WLS: variants seen among roughly 807,000 people sequenced by gnomAD.
The protein encoded by WLS is protein wntless homolog.
WLS carries 23 observed loss-of-function variants against 62.8 expected under a neutral mutation model. The ratio of observed to expected loss-of-function variants is 0.37; its 90% CI spans 0.26 to 0.52. The LOEUF is 0.52. Ranked by LOEUF, WLS falls within the 20% of genes least tolerant of loss-of-function variation. The probability of loss-of-function intolerance (pLI) is 0.92; values close to 1 mark genes in which losing one functional copy is unlikely to be tolerated. For synonymous variants in WLS, 246 were observed against 244.1 expected (o/e 1.01, Z -0.07); for missense variants, 615 against 697.3 (o/e 0.88, Z 1.33).
chr1:68,140,132 G>A (rs1046864997), intron 10 of WLS, among the ~76,000 whole-genome samples: 3 of 152,146 alleles, frequency 2.0e-5, no homozygotes, highest in Non-Finnish European at 2.9e-5. Context: ...TATTAATGAC[G>A]CTGTGAGGTA....
chr1:68,190,157 C>T (rs1023135858), intron 2 of WLS, among the ~76,000 whole-genome samples: 1 of 152,176 alleles, frequency 6.6e-6, no homozygotes, highest in African/African-American at 2.4e-5. Flanking sequence ...GTAACTTCCC[C>T]AATACTGCAG....
chr1:68,228,717 G>T lies in WLS; in HGVS notation c.106+3477C>A, dbSNP rs1432076969. On this transcript the variant is annotated intron_variant, in intron 1 of 11. Coordinates refer to ENST00000262348, the MANE Select transcript of WLS (RefSeq NM_024911.7). ...ATGTATGGTTTCATAGTGGCTCAAAGTTTTTAAAAAAGCATTATATAAATC... is the reference window on the plus strand; with the variant it reads ...ATGTATGGTTTCATAGTGGCTCAAATTTTTTAAAAAAGCATTATATAAATC... 4.6e-5 allele frequency among the ~76,000 whole-genome samples: 7 copies of T among 151,210 alleles called. 1 individual carries two copies. Among genetic ancestry groups the T allele is most frequent in the African/African-American group, 1.7e-4 (7 of 41,236 alleles).
intron 1 of WLS, chr1:68,231,856 GC>G: frequency 5.4e-6 from 1 of 183,920 alleles, no homozygotes; most frequent in Non-Finnish European, 9.9e-6. Flanking sequence ...GCGGGAAAAA[GC>G]GGGGGGGGGG....
At chr1:68,130,949 A>AGTGGAGC (rs1646510864) in intron 11 of WLS, among the ~76,000 whole-genome samples, 2 of 123,854 alleles carry the variant, frequency 1.6e-5, no homozygotes, top group Non-Finnish European at 1.6e-5. Context: ...GCTGGAGTGG[A>AGTGGAGC]GTGGAGCGAT....
At chr1:68,183,684 C>A in intron 2 of WLS, 1 of 294,974 alleles carries the variant, frequency 3.4e-6, no homozygotes, top group Non-Finnish European at 7.2e-6. Context: ...TCCCTTTATT[C>A]CAGTTGTCTT....
chr1:68,138,093 G>A (rs1207024791), intron 10 of WLS, 160 bp from the exon 11 acceptor site: 3 of 865,468 alleles, frequency 3.5e-6, no homozygotes, highest in East Asian at 2.7e-5. Flanking sequence ...AATCATTTCG[G>A]TGTAAATTAA....
At chr1:68,193,877 A>G in intron 2 of WLS, 78 bp downstream of exon 2, 1 of 1,527,400 alleles carries the variant, frequency 6.5e-7, no homozygotes, top group South Asian at 1.3e-5. Flanking sequence ...TTTTACTTTT[A>G]TTAGAATTGG....
intron 11 of WLS, among the ~76,000 whole-genome samples, chr1:68,107,851 G>A (rs1440142967): frequency 6.6e-6 from 1 of 152,126 alleles, no homozygotes; most frequent in East Asian, 1.9e-4. Flanking sequence ...ATTCAGACCC[G>A]GGTCTGCGGG....
Position 68,194,356 on chromosome 1 carries a change from A to G in WLS, c.107-129T>C, listed in dbSNP as rs1648544065. 4.1e-6 allele frequency: 5 copies of G among 1,217,678 alleles called. No homozygotes were observed. In the South Asian group the frequency reaches 8.0e-5, roughly 19 times the overall value. The allele number at this position is 1,217,678 out of a possible 1,614,324, so 75.4% of individuals were successfully genotyped here. On this transcript the variant is annotated intron_variant, in intron 1 of 11. Coordinates refer to ENST00000262348, the MANE Select transcript of WLS (RefSeq NM_024911.7). Reference sequence around the variant, plus strand: ...CCTTCTACAAGTGGGGCTCAGCAATACTTAGGGATCTTCCAAATCTGGGTG... The same window carrying G: ...CCTTCTACAAGTGGGGCTCAGCAATGCTTAGGGATCTTCCAAATCTGGGTG...
At chr1:68,162,430 AG>A in intron 2 of WLS, 2 of 1,613,842 alleles carry the variant, frequency 1.2e-6, no homozygotes, top group African/African-American at 2.7e-5. Context: ...CTGCACGCCC[AG>A]GGATCGCTCG....
intron 1 of WLS, among the ~76,000 whole-genome samples, chr1:68,221,833 A>G (rs1649953944): frequency 6.6e-6 from 1 of 152,242 alleles, no homozygotes; most frequent in African/African-American, 2.4e-5. Context: ...GGAAGAATTT[A>G]CAGTATAATA....
At position 68,158,531 on chromosome 1, in the gene WLS, C is replaced by T. The variant is rs112659777; in HGVS notation, c.504+592G>A. On this transcript the variant is annotated intron_variant, in intron 3 of 11. Coordinates refer to ENST00000262348, the MANE Select transcript of WLS (RefSeq NM_024911.7). Reference sequence around the variant, plus strand: ...ATCTTTTGGCTTCTCTGGGCCAAACCGGAAGGAGGAGAATTGTCTTGAGCC... The same window carrying T: ...ATCTTTTGGCTTCTCTGGGCCAAACTGGAAGGAGGAGAATTGTCTTGAGCC... Among the ~76,000 whole-genome samples, 62 of 151,526 alleles carry T rather than the reference C, an allele frequency of 4.1e-4. 1 individual carries two copies. Among genetic ancestry groups the T allele is most frequent in the African/African-American group, 1.3e-3 (55 of 41,216 alleles).
chr1:68,132,196 G>C (rs141829525), intron 11 of WLS, among the ~76,000 whole-genome samples: 1 of 152,306 alleles, frequency 6.6e-6, no homozygotes, highest in Non-Finnish European at 1.5e-5. Flanking sequence ...GGAGAGGCAG[G>C]GGGCAGAAGA....
At chr1:68,153,717 A>G (rs1443433425) in intron 4 of WLS, 64 bp from the exon 5 acceptor site, 28 of 1,605,946 alleles carry the variant, frequency 1.7e-5, no homozygotes, top group South Asian at 2.2e-5. Context: ...TCTACTAGCA[A>G]ATGCTTTTGT....
chr1:68,148,993 T>C (rs1391481832), intron 6 of WLS, among the ~76,000 whole-genome samples: 2 of 152,178 alleles, frequency 1.3e-5, no homozygotes, highest in Non-Finnish European at 2.9e-5. Context: ...CTGAATTAAA[T>C]TTCTACGTGA....
At chr1:68,181,267 T>C (rs1413562756) in intron 2 of WLS, among the ~76,000 whole-genome samples, 2 of 152,218 alleles carry the variant, frequency 1.3e-5, no homozygotes, top group East Asian at 1.9e-4. Context: ...CTTCTATACA[T>C]TGGGGGCACC....
intron 1 of WLS, among the ~76,000 whole-genome samples, chr1:68,203,708 G>A (rs993116230): frequency 6.6e-6 from 1 of 152,192 alleles, no homozygotes; most frequent in Non-Finnish European, 1.5e-5. Flanking sequence ...TGCCATGGAA[G>A]TCTATGACAG....
intron 11 of WLS, among the ~76,000 whole-genome samples, chr1:68,134,501 A>G (rs904708852): frequency 2.0e-5 from 3 of 152,176 alleles, no homozygotes; most frequent in African/African-American, 7.2e-5. Flanking sequence ...TTTGCCCACT[A>G]AATTGCCTGA....
At chr1:68,182,520 A>C (rs1361536540) in intron 2 of WLS, among the ~76,000 whole-genome samples, 1 of 152,200 alleles carries the variant, frequency 6.6e-6, no homozygotes, top group Non-Finnish European at 1.5e-5. Flanking sequence ...CCATGATTTC[A>C]GTTGCTTTCT....
Sources: gnomAD v4.1 joint callset for allele counts (sites outside exome capture counted in the v4.1 genomes callset) on GRCh38, gnomAD v4.1.1 for gene constraint, MANE v1.5 for transcripts, NCBI Gene and HGNC (gene_info 2026-07-23, HGNC 2026-07-21) for gene names.